The following APOLD1 variants were observed in gnomAD, a reference collection of about 807,000 sequenced individuals.
The protein encoded by APOLD1 is apolipoprotein L domain-containing protein 1.
In APOLD1, 22 loss-of-function variants were observed where a neutral mutation model predicts 15.3. The ratio of observed to expected loss-of-function variants is 1.44; its 90% CI spans 1.03 to 2.05. APOLD1 has a LOEUF of 2.05. APOLD1 is among the 30% of genes most tolerant of loss of function. The pLI, the probability that APOLD1 is intolerant of heterozygous loss-of-function variation, is 0.00. For missense variants in APOLD1, 394 were observed against 353.5 expected (o/e 1.11, Z -0.92); for synonymous variants, 190 against 167.4 (o/e 1.13, Z -1.04).
At chr12:12,776,003 C>CAAAAAAAAAAAAAAAAAAAAA (rs34623976) in intron 1 of APOLD1, among the ~76,000 whole-genome samples, 16 of 62,178 alleles carry the variant, frequency 2.6e-4, no homozygotes, top group East Asian at 1.2e-3. Flanking sequence ...GACCCAGTCT[C>CAAAAAAAAAAAAAAAAAAAAA]AAAAAAAAAA....
At chr12:12,781,818 C>T (rs531037063), upstream of APOLD1, among the ~76,000 whole-genome samples, 15 of 151,660 alleles carry the variant, frequency 9.9e-5, 1 homozygote, top group African/African-American at 2.7e-4. Flanking sequence ...TGAGCCACCG[C>T]GCCCGGCATA....
Position 12,767,782 on chromosome 12 carries a change from G to A in APOLD1, c.97-19127G>A, listed in dbSNP as rs200098146. ...ATGAAAGGAGGTGAGTAGGTTATAC[G>A]CAAATCCTATGCCTTTTTTTTTTGA... On this transcript the variant is annotated intron_variant, in intron 1 of 1. Transcript: ENST00000326765. Among the ~76,000 whole-genome samples the A allele has an allele frequency of 3.9e-5, 6 of 151,912 alleles. No individual in the cohort carries two copies. The East Asian group carries it at 9.7e-4, about 24-fold the overall frequency.
At chr12:12,737,826 C>A (rs575690070) in intron 1 of APOLD1, among the ~76,000 whole-genome samples, 1 of 151,970 alleles carries the variant, frequency 6.6e-6, no homozygotes, top group Non-Finnish European at 1.5e-5. Flanking sequence ...TGTGGCTGCA[C>A]GATAGTGGAG....
In APOLD1 at chr12:12,787,725, T is replaced by C; in HGVS notation, c.*73T>C. On this transcript the variant is annotated 3_prime_UTR_variant, in exon 2 of 2. Coordinates refer to ENST00000356591, the MANE Select transcript of APOLD1 (RefSeq NM_030817.3). This position sits in a 1 kb window ranked among gnomAD's most constrained non-coding sequence, Gnocchi z 4.9. ...GGATGCTCCAGAATTTGTAGCTCCC[T>C]TAGGAAAACACCAAGCTGGGTTAGG... The C allele has an allele frequency of 6.6e-7, 1 of 1,507,838 alleles. No individual in the cohort carries two copies. Among genetic ancestry groups the C allele is most frequent in the South Asian group, 1.3e-5 (1 of 75,634 alleles). The allele number at this position is 1,507,838 out of a possible 1,614,324, so 93.4% of individuals were successfully genotyped here.
chr12:12,767,646 A>G (rs1049568696), intron 1 of APOLD1, among the ~76,000 whole-genome samples: 1 of 152,228 alleles, frequency 6.6e-6, no homozygotes, highest in East Asian at 1.9e-4. Flanking sequence ...ACAGAGGGAG[A>G]CTATGTCTCA....
intron 1 of APOLD1, among the ~76,000 whole-genome samples, chr12:12,743,598 C>T (rs986413122): frequency 6.6e-6 from 1 of 152,168 alleles, no homozygotes; most frequent in Non-Finnish European, 1.5e-5. Context: ...CACAAGAATG[C>T]CCCCCTCCAA....
In APOLD1 at chr12:12,750,941, A is replaced by AT. The variant is rs34163043; in HGVS notation, c.96+24861dup. On this transcript the variant is annotated intron_variant, in intron 1 of 1. Transcript: ENST00000326765. ...AGGCATGGGCTACTGCACCTGGCTA[A>AT]TTTTTTTTTTTTTTTTGGTTGTCTT... is the stretch of plus-strand genomic sequence containing the variant. 5.2e-3 allele frequency among the ~76,000 whole-genome samples: 744 copies of AT among 142,094 alleles called. 2 individuals carry two copies. Among genetic ancestry groups the AT allele is most frequent in the East Asian group, 0.015 (74 of 4,842 alleles). 93.2% of individuals were successfully genotyped at this position (142,094 alleles called of 152,430 possible). A position where few individuals can be genotyped will look rare whatever the true frequency, so the allele number is the denominator to read the frequency against.
intron 1 of APOLD1, among the ~76,000 whole-genome samples, chr12:12,770,800 C>T (rs1946981735): frequency 6.8e-6 from 1 of 146,676 alleles, no homozygotes; most frequent in Non-Finnish European, 1.5e-5. Context: ...AAAAACTCTA[C>T]ACCTAGGTAT....
chr12:12,786,946 C>T lies in APOLD1; in HGVS notation c.41C>T (p.Pro14Leu). 1.4e-6 allele frequency: 2 copies of T among 1,460,138 alleles called. No individual in the cohort carries two copies. Among genetic ancestry groups the T allele is most frequent in the Non-Finnish European group, 1.8e-6 (2 of 1,114,926 alleles). 90.4% of individuals were successfully genotyped at this position (1,460,138 alleles called of 1,614,324 possible). The stretch of plus-strand genomic sequence containing the variant: ...CCGGCGGCCCGGGAGCCGCATGGGC[C>T]CGACGCGCTGCGGCGCTTCCAGGGA... ...ERPAAREPHG[P>L]DALRRFQGLL... The change falls in exon 2 of 2, where the codon CCC (proline) becomes CTC (leucine). Residue 14 changes from proline to leucine, a missense_variant. Transcript: ENST00000356591.
At chr12:12,778,677 G>A (rs78784255) in intron 1 of APOLD1, among the ~76,000 whole-genome samples, 1 of 152,062 alleles carries the variant, frequency 6.6e-6, no homozygotes, top group African/African-American at 2.4e-5. Context: ...CCAATAGAAT[G>A]CCAGTGGATG....
intron 1 of APOLD1, among the ~76,000 whole-genome samples, chr12:12,778,892 C>T (rs1276698970): frequency 6.6e-6 from 1 of 152,180 alleles, no homozygotes; most frequent in Non-Finnish European, 1.5e-5. Flanking sequence ...AACTGTCACA[C>T]AACAATGTCA....
intron 1 of APOLD1, among the ~76,000 whole-genome samples, chr12:12,740,541 G>C (rs1171569165): frequency 1.3e-5 from 2 of 152,198 alleles, no homozygotes; most frequent in Non-Finnish European, 2.9e-5. Flanking sequence ...AACCCCAGTA[G>C]TTGACTGTCT....
At chr12:12,759,402 T>C (rs1946881076) in intron 1 of APOLD1, among the ~76,000 whole-genome samples, 1 of 152,182 alleles carries the variant, frequency 6.6e-6, no homozygotes, top group South Asian at 2.1e-4. Flanking sequence ...TGTAGTTGTC[T>C]TTGTTAGCTT....
intron 1 of APOLD1, among the ~76,000 whole-genome samples, chr12:12,744,050 T>G (rs1011101315): frequency 1.3e-5 from 2 of 152,170 alleles, no homozygotes; most frequent in African/African-American, 4.8e-5. Flanking sequence ...GCGTGGTGGC[T>G]CATGCCTGTA....
chr12:12,776,728 C>T (rs1947038179), intron 1 of APOLD1, among the ~76,000 whole-genome samples: 1 of 152,150 alleles, frequency 6.6e-6, no homozygotes, highest in African/African-American at 2.4e-5. Context: ...AAGATACATG[C>T]CTTTTTCCCT....
At chr12:12,783,803 T>C (rs1485289284), upstream of APOLD1, among the ~76,000 whole-genome samples, 3 of 151,548 alleles carry the variant, frequency 2.0e-5, no homozygotes, top group Non-Finnish European at 4.4e-5. Context: ...CCGGCCAATT[T>C]TTAAATTTTT....
rs1946763237 is a variant in APOLD1 at position 12,746,171 on chromosome 12, T to G, written c.96+20075T>G. Among the ~76,000 whole-genome samples the G allele has an allele frequency of 2.0e-5, 3 of 152,090 alleles. 1 individual carries two copies. The highest frequency in any genetic ancestry group is 7.3e-5 in the African/African-American group (3 of 41,318). On this transcript the variant is annotated intron_variant, in intron 1 of 1. Coordinates refer to the APOLD1 transcript ENST00000326765. ...GGAATCCAAGAAGGCTTAAAACGTATGTCTCTGTAGTTGAGAAAAGGTTTT... is the reference window on the plus strand; with the variant it reads ...GGAATCCAAGAAGGCTTAAAACGTAGGTCTCTGTAGTTGAGAAAAGGTTTT...
At chr12:12,742,636 G>A (rs1479342852) in intron 1 of APOLD1, among the ~76,000 whole-genome samples, 1 of 152,180 alleles carries the variant, frequency 6.6e-6, no homozygotes, top group Non-Finnish European at 1.5e-5. Flanking sequence ...GTGGTGGCAG[G>A]TGCCTGTGAT....
chr12:12,768,278 C>T lies in APOLD1; in HGVS notation c.97-18631C>T, dbSNP rs896068291. On this transcript the variant is annotated intron_variant, in intron 1 of 1. Transcript: ENST00000326765. ...GTAAGAATACCTGATAATTGCACCA[C>T]ATTGTGTAGGTCTCACAGGGTTTCC... 3.3e-5 allele frequency among the ~76,000 whole-genome samples: 5 copies of T among 152,214 alleles called. No homozygotes were observed. The East Asian group carries it at 9.6e-4, about 29-fold the overall frequency.
Sources: allele counts gnomAD v4.1 joint callset (sites outside exome capture counted in the v4.1 genomes callset), GRCh38; gene constraint gnomAD v4.1.1; non-coding constraint Gnocchi (gnomAD v3.1); transcripts MANE v1.5; gene names NCBI Gene and HGNC (gene_info 2026-07-23, HGNC 2026-07-21).